UNC13C: variants seen among roughly 807,000 people sequenced by gnomAD.
The protein encoded by UNC13C is protein unc-13 homolog C.
Under a neutral mutation model 245.4 loss-of-function variants are expected in UNC13C, and 174 were observed. That is an observed-to-expected ratio of 0.71 (90% CI 0.63 to 0.80). The LOEUF (loss-of-function observed/expected upper bound fraction) is 0.80. Ranked by LOEUF, UNC13C falls within the 30% of genes least tolerant of loss-of-function variation. The pLI is 0.00. For synonymous variants in UNC13C, 992 were observed against 895.1 expected (o/e 1.11, Z -1.93); for missense variants, 2,829 against 2,602.9 (o/e 1.09, Z -1.89).
intron 19 of UNC13C, among the ~76,000 whole-genome samples, chr15:54,438,423 G>T (rs540183146): frequency 6.6e-6 from 1 of 152,078 alleles, no homozygotes; most frequent in South Asian, 2.1e-4. Context: ...AAGTCTTTGT[G>T]TTCACCAATT....
chr15:54,492,553 C>T (rs776078778), intron 19 of UNC13C, among the ~76,000 whole-genome samples: 7 of 152,060 alleles, frequency 4.6e-5, no homozygotes, highest in Non-Finnish European at 8.8e-5. Flanking sequence ...TAACATAGTT[C>T]TCAGCCATTA....
chr15:54,597,351 A>G (rs1010815729), intron 30 of UNC13C, among the ~76,000 whole-genome samples: 30 of 152,208 alleles, frequency 2.0e-4, no homozygotes, highest in Non-Finnish European at 3.7e-4. Flanking sequence ...CCTACCAGGT[A>G]CGTTAGGAGA....
intron 30 of UNC13C, among the ~76,000 whole-genome samples, chr15:54,572,269 C>T (rs1897789014): frequency 6.6e-6 from 1 of 152,040 alleles, no homozygotes; most frequent in African/African-American, 2.4e-5. Context: ...CTTTTTCTCT[C>T]ATGTGTTCTT....
intron 19 of UNC13C, among the ~76,000 whole-genome samples, chr15:54,443,452 T>G (rs1890643110): frequency 6.6e-6 from 1 of 151,750 alleles, no homozygotes; most frequent in Non-Finnish European, 1.5e-5. Context: ...ATTTCGGATT[T>G]GGTTTCTTCT....
chr15:54,209,880 AATAAG>A (rs1331516729), intron 4 of UNC13C, among the ~76,000 whole-genome samples: 2 of 152,292 alleles, frequency 1.3e-5, no homozygotes, highest in South Asian at 2.1e-4. Context: ...GGTTGAAATA[AATAAG>A]ATAAAATGAG....
At chr15:54,629,248 A>ACAC (rs1477284125), downstream of UNC13C, 3 of 152,146 alleles carry the variant, frequency 2.0e-5, no homozygotes, top group Admixed American at 6.5e-5. Flanking sequence ...GGACACATGG[A>ACAC]CACTAAGGGG....
intron 2 of UNC13C, among the ~76,000 whole-genome samples, chr15:54,045,482 A>C (rs1269015758): frequency 1.3e-5 from 2 of 152,082 alleles, no homozygotes; most frequent in African/African-American, 4.8e-5. Context: ...GATGCCCATA[A>C]ATTTTTCAGA....
intron 7 of UNC13C, among the ~76,000 whole-genome samples, chr15:54,247,749 C>T (rs951968080): frequency 6.6e-6 from 1 of 150,858 alleles, no homozygotes; most frequent in Admixed American, 6.6e-5. Flanking sequence ...AATGGGCTGT[C>T]TAGTAAATGT....
At chr15:54,521,625 G>A (rs1895218179) in intron 24 of UNC13C, among the ~76,000 whole-genome samples, 1 of 152,182 alleles carries the variant, frequency 6.6e-6, no homozygotes, top group Non-Finnish European at 1.5e-5. Flanking sequence ...CAAACATGCA[G>A]TGTGGGTATG....
chr15:54,027,832 T>C (rs1307953322), intron 2 of UNC13C, among the ~76,000 whole-genome samples: 2 of 151,908 alleles, frequency 1.3e-5, no homozygotes, highest in Non-Finnish European at 1.5e-5. Context: ...TCCTTTCTTA[T>C]TGGTGTCTCC....
chr15:54,610,595 C>A (rs925698305), intron 30 of UNC13C, among the ~76,000 whole-genome samples: 1 of 152,136 alleles, frequency 6.6e-6, no homozygotes. Flanking sequence ...TTAATAACCA[C>A]CAAAATAATA....
At chr15:54,143,159 C>A in intron 3 of UNC13C, 119 bp downstream of exon 3, 1 of 966,254 alleles carries the variant, frequency 1.0e-6, no homozygotes, top group Non-Finnish European at 1.6e-6. Flanking sequence ...CATGTTATCC[C>A]AGCTTTCCAT....
At chr15:54,006,673 A>C (rs1199347620) in intron 1 of UNC13C, among the ~76,000 whole-genome samples, 1 of 152,180 alleles carries the variant, frequency 6.6e-6, no homozygotes, top group Non-Finnish European at 1.5e-5. Flanking sequence ...GACATTCTAG[A>C]GGATGCTTTT....
the UNC13C span, among the ~76,000 whole-genome samples, chr15:53,852,879 T>C: frequency 2.0e-5 from 3 of 152,274 alleles, no homozygotes; most frequent in South Asian, 4.2e-4. Flanking sequence ...GGGTAGCTAA[T>C]GGTGAAAGAA....
chr15:53,941,164 A>G, the UNC13C span, among the ~76,000 whole-genome samples: 1 of 152,166 alleles, frequency 6.6e-6, no homozygotes, highest in Admixed American at 6.6e-5. Flanking sequence ...TCCTACAACC[A>G]TCTGATCTTT....
intron 2 of UNC13C, among the ~76,000 whole-genome samples, chr15:54,101,769 A>G (rs1277140982): frequency 1.3e-5 from 2 of 151,936 alleles, no homozygotes; most frequent in Admixed American, 6.6e-5. Flanking sequence ...TATTTTTAGT[A>G]GAGATGGGGT....
intron 8 of UNC13C, among the ~76,000 whole-genome samples, chr15:54,261,522 G>GTTTGTTTTGTTTTGT (rs10582681): frequency 2.0e-3 from 307 of 150,680 alleles, no homozygotes; most frequent in Admixed American, 3.3e-3. Context: ...ATTTTTGTTT[G>GTTTGTTTTGTTTTGT]TTTGTTTTGT....
chr15:54,386,356 G>A (rs532690870), intron 17 of UNC13C, among the ~76,000 whole-genome samples: 1 of 152,188 alleles, frequency 6.6e-6, no homozygotes, highest in South Asian at 2.1e-4. Context: ...ACCATCACTA[G>A]CACTTGGCAG....
At chr15:54,363,642 G>A (rs796296518) in intron 17 of UNC13C, among the ~76,000 whole-genome samples, 2 of 152,166 alleles carry the variant, frequency 1.3e-5, no homozygotes, top group African/African-American at 2.4e-5. Context: ...GTTTATAAAA[G>A]TGTATCTGAC....
Sources: allele counts gnomAD v4.1 joint callset (sites outside exome capture counted in the v4.1 genomes callset), GRCh38; gene constraint gnomAD v4.1.1; transcripts MANE v1.5; gene names NCBI Gene and HGNC (gene_info 2026-07-23, HGNC 2026-07-21).